STX4: variants seen among roughly 807,000 people sequenced by gnomAD.
The protein encoded by STX4 is syntaxin-4.
A neutral mutation model predicts 41.8 loss-of-function variants in STX4; 24 were observed. That is an observed-to-expected ratio of 0.57 (90% CI 0.42 to 0.81). STX4 has a LOEUF of 0.81. Among genes scored for constraint, STX4 ranks in the 30% least tolerant of loss-of-function variants. STX4 has a pLI of 0.00. For synonymous variants in STX4, 158 were observed against 156.4 expected, an observed-to-expected ratio of 1.01 and a Z score of -0.08; for missense variants, 316 against 389.9, an observed-to-expected ratio of 0.81 and a Z score of 1.60.
rs1473569822 is a variant in STX4, at chr16:31,033,801, C to A, written c.-5C>A. ...TGGCGCCGGGGAGGGAGAGCTCAGG[C>A]CGCCATGCGGGACAGGACCCACGAG... is the stretch of plus-strand genomic sequence containing the variant. On this transcript the variant is annotated 5_prime_UTR_variant, in exon 1 of 11. Coordinates refer to ENST00000313843, the MANE Select transcript of STX4 (RefSeq NM_004604.5). The surrounding 1 kb of genome is among the most constrained non-coding windows in gnomAD (Gnocchi z 5.5). 5.5e-6 allele frequency: 8 copies of A among 1,452,632 alleles called. No individual in the cohort carries two copies. The Admixed American group carries it at 1.4e-4, about 26-fold the overall frequency. 90.0% of individuals were successfully genotyped at this position (1,452,632 alleles called of 1,614,324 possible).
In STX4 at chr16:31,038,133, T is replaced by C; in HGVS notation, c.507T>C (p.Ser169=). Residue 169 remains serine, a synonymous_variant, in exon 7 of 11, where the codon TCT becomes TCC. Transcript: ENST00000313843. ...TCACAGCCAATGCTGGGATGGTGTCTGATGAGGAGTTGGAGCAGATGCTGG... is the reference window on the plus strand; with the variant it reads ...TCACAGCCAATGCTGGGATGGTGTCCGATGAGGAGTTGGAGCAGATGCTGG... The part of the protein sequence containing the change: ...QLKITNAGMV[S]DEELEQMLDS... 1.2e-6 allele frequency: 2 copies of C among 1,614,128 alleles called. No homozygotes were observed. Among genetic ancestry groups the C allele is most frequent in the Non-Finnish European group, 1.7e-6 (2 of 1,180,020 alleles).
At chr16:31,038,450 G>A (rs765169672) in intron 7 of STX4, 60 bp from the exon 8 acceptor site, 12 of 1,602,788 alleles carry the variant, frequency 7.5e-6, no homozygotes, top group Non-Finnish European at 9.4e-6. Context: ...CTCAACAGGA[G>A]TTTCTGACCT....
At chr16:31,037,343 C>T (rs2056808514) in intron 5 of STX4, among the ~76,000 whole-genome samples, 1 of 151,206 alleles carries the variant, frequency 6.6e-6, no homozygotes, top group Non-Finnish European at 1.5e-5. Flanking sequence ...GGATCACAGG[C>T]ATGAGCCACC....
At chr16:31,033,444 G>T (rs1368313496), upstream of STX4, 2 of 1,532,976 alleles carry the variant, frequency 1.3e-6, no homozygotes, top group Non-Finnish European at 1.8e-6. The surrounding 1 kb of genome is among the most constrained non-coding windows in gnomAD (Gnocchi z 5.5). Flanking sequence ...CTCGCGTCCA[G>T]GCATCTCCGC....
At position 31,038,535 on chromosome 16, in the gene STX4, G is replaced by C; in HGVS notation, c.590G>C (p.Arg197Pro). The change falls in exon 8 of 11, where the codon CGA (arginine) becomes CCA (proline). Residue 197 changes from arginine to proline, a missense_variant. Physicochemically the swap from Arg to Pro is moderately radical, Grantham distance 103 (BLOSUM62 -2). Coordinates refer to ENST00000313843, the MANE Select transcript of STX4 (RefSeq NM_004604.5). Reference sequence around the variant, plus strand: ...ATCCTGAAGGACACGCAGGTGACTCGACAGGCCTTAAATGAGATCTCGGCC... The same window carrying C: ...ATCCTGAAGGACACGCAGGTGACTCCACAGGCCTTAAATGAGATCTCGGCC... The part of the protein sequence containing the change: ...SNILKDTQVT[R>P]QALNEISARH... The C allele has an allele frequency of 6.2e-7, 1 of 1,614,022 alleles. No homozygotes were observed. The highest frequency in any genetic ancestry group is 8.5e-7 in the Non-Finnish European group (1 of 1,180,002).
Position 31,033,639 on chromosome 16 carries a change from T to G in STX4, c.-167T>G. The stretch of plus-strand genomic sequence containing the variant: ...TTGGGGGGTCCCCGGGGTCGGCGCC[T>G]TCCCATTGACTGTGGGCGGTGCAAG... On this transcript the variant is annotated 5_prime_UTR_variant, in exon 1 of 11. Coordinates refer to ENST00000313843, the MANE Select transcript of STX4 (RefSeq NM_004604.5). This position sits in a 1 kb window ranked among gnomAD's most constrained non-coding sequence, Gnocchi z 5.5. 6.8e-7 allele frequency: 1 copy of G among 1,474,320 alleles called. No individual in the cohort carries two copies. The highest frequency in any genetic ancestry group is 2.3e-4 in the Middle Eastern group (1 of 4,382). 91.3% of individuals were successfully genotyped at this position (1,474,320 alleles called of 1,614,324 possible).
chr16:31,033,536 G>C (rs1331276648), upstream of STX4: 1 of 1,549,442 alleles, frequency 6.5e-7, no homozygotes, highest in African/African-American at 1.4e-5. The surrounding 1 kb of genome is among the most constrained non-coding windows in gnomAD (Gnocchi z 5.5). Flanking sequence ...CGCATGCCCC[G>C]AATTTATCAC....
chr16:31,036,479 T>A (rs985023937), intron 5 of STX4, among the ~76,000 whole-genome samples: 2 of 152,028 alleles, frequency 1.3e-5, no homozygotes, highest in Non-Finnish European at 2.9e-5. Flanking sequence ...GGCAGCGAGG[T>A]TGGCATTCAG....
chr16:31,034,699 C>T, intron 4 of STX4, 163 bp downstream of exon 4: 1 of 798,980 alleles, frequency 1.3e-6, no homozygotes, highest in South Asian at 2.2e-5. Context: ...GTACTCTCCA[C>T]AGCACAAGTC....
chr16:31,033,883 C>T lies in STX4; in HGVS notation c.30+48C>T. 6.9e-7 allele frequency: 1 copy of T among 1,452,668 alleles called. No homozygotes were observed. The highest frequency in any genetic ancestry group is 1.5e-5 in the South Asian group (1 of 67,902). The allele number at this position is 1,452,668 out of a possible 1,614,324, so 90.0% of individuals were successfully genotyped here. A position where few individuals can be genotyped will look rare whatever the true frequency, so the allele number is the denominator to read the frequency against. ...ATGGGGACGGGCGGACGAACTGGAA[C>T]GCAGGACTTCTGGTCTTCGGGATAG... On this transcript the variant is annotated intron_variant, in intron 1 of 10. Coordinates refer to ENST00000313843, the MANE Select transcript of STX4 (RefSeq NM_004604.5). The surrounding 1 kb of genome is among the most constrained non-coding windows in gnomAD (Gnocchi z 5.5).
Position 31,039,462 on chromosome 16 carries a change from C to T in STX4, c.703-79C>T. ...TGTTAGTGCAATTTTTTTTTCCTGC[C>T]AGGAATGTTCTTCAGTCATCTGGGG... On this transcript the variant is annotated intron_variant, in intron 8 of 10. Transcript: ENST00000313843. This position sits in a 1 kb window ranked among gnomAD's most constrained non-coding sequence, Gnocchi z 4.1. The T allele has an allele frequency of 6.8e-7, 1 of 1,460,266 alleles. No homozygotes were observed. Among genetic ancestry groups the T allele is most frequent in the Non-Finnish European group, 9.4e-7 (1 of 1,064,354 alleles). The allele number at this position is 1,460,266 out of a possible 1,614,324, so 90.5% of individuals were successfully genotyped here.
rs751486627 is a variant in STX4, at chr16:31,034,084, G to T, written c.102G>T (p.Leu34=). 6.2e-7 allele frequency: 1 copy of T among 1,609,982 alleles called. No individual in the cohort carries two copies. Among genetic ancestry groups the T allele is most frequent in the South Asian group, 1.1e-5 (1 of 90,734 alleles). Residue 34 remains leucine, a synonymous_variant, in exon 2 of 11, where the codon CTG becomes CTT. Coordinates refer to ENST00000313843, the MANE Select transcript of STX4 (RefSeq NM_004604.5). ...ALVVHPGTAR[L]GSPDEEFFHK... ...TGGTGCACCCGGGCACGGCACGGCT[G>T]GGGAGCCCGGACGAGGAGTTCTTCC... is the stretch of plus-strand genomic sequence containing the variant.
upstream of STX4, chr16:31,033,305 C>A (rs983017254): frequency 1.2e-5 from 9 of 729,154 alleles, no homozygotes; most frequent in Non-Finnish European, 2.3e-5. This position sits in a 1 kb window ranked among gnomAD's most constrained non-coding sequence, Gnocchi z 5.5. Context: ...TCACGTGACG[C>A]GGTGGGGGCA....
At chr16:31,034,934 G>A (rs747105809) in intron 4 of STX4, 36 bp from the exon 5 acceptor site, 1 of 1,510,666 alleles carries the variant, frequency 6.6e-7, no homozygotes, top group Non-Finnish European at 8.9e-7. Context: ...ATCCTATGGA[G>A]ACAAGTACCC....
rs1285616920 is a variant in STX4 at position 31,039,705 on chromosome 16, C to T, written c.814-18C>T. 1.2e-6 allele frequency: 2 copies of T among 1,614,184 alleles called. No individual in the cohort carries two copies. Among genetic ancestry groups the T allele is most frequent in the East Asian group, 2.2e-5 (1 of 44,886 alleles). On this transcript the variant is annotated intron_variant, in intron 9 of 10. Transcript: ENST00000313843. The surrounding 1 kb of genome is among the most constrained non-coding windows in gnomAD (Gnocchi z 4.1). ...CAGGCACCCTGTGTGACTTCCCTGA[C>T]CCCCTCCTCTCCCACAGAAGAAAGT...
Position 31,039,729 on chromosome 16 carries a change from G to A in STX4, c.820G>A (p.Val274Ile), listed in dbSNP as rs753079913. 1.2e-6 allele frequency: 2 copies of A among 1,614,106 alleles called. No individual in the cohort carries two copies. Among genetic ancestry groups the A allele is most frequent in the African/African-American group, 2.7e-5 (2 of 74,942 alleles). The part of the protein sequence containing the change: ...ENQKKARKKK[V>I]LIAICVSITV... Reference sequence around the variant, plus strand: ...ACCCCCTCCTCTCCCACAGAAGAAAGTCTTGATTGCCATCTGTGTGTCCAT... The same window carrying A: ...ACCCCCTCCTCTCCCACAGAAGAAAATCTTGATTGCCATCTGTGTGTCCAT... The change falls in exon 10 of 11, where the codon GTC becomes ATC. Residue 274 changes from valine (V) to isoleucine (I), a missense_variant. Physicochemically the swap from Val to Ile is conservative, Grantham distance 29 (BLOSUM62 3). Coordinates refer to ENST00000313843, the MANE Select transcript of STX4 (RefSeq NM_004604.5). This position sits in a 1 kb window ranked among gnomAD's most constrained non-coding sequence, Gnocchi z 4.1.
In STX4 at chr16:31,039,917, A is replaced by G. The variant is rs1428172052; in HGVS notation, c.*21A>G. 8.1e-7 allele frequency: 1 copy of G among 1,238,196 alleles called. No homozygotes were observed. Among genetic ancestry groups the G allele is most frequent in the African/African-American group, 1.5e-5 (1 of 67,454 alleles). 76.7% of individuals were successfully genotyped at this position (1,238,196 alleles called of 1,614,324 possible). On this transcript the variant is annotated 3_prime_UTR_variant, in exon 11 of 11. Transcript: ENST00000313843. The surrounding 1 kb of genome is among the most constrained non-coding windows in gnomAD (Gnocchi z 4.1). ...TCTCCCTCCTTTCCTTACAGGCACT[A>G]GGAGCACCAGGAACCCAGGGCCTGG...
At chr16:31,035,951 A>G (rs1177639511) in intron 5 of STX4, among the ~76,000 whole-genome samples, 1 of 151,094 alleles carries the variant, frequency 6.6e-6, no homozygotes, top group Non-Finnish European at 1.5e-5. Flanking sequence ...CTAATTTTTT[A>G]TATTTTTGGT....
At position 31,037,063 on chromosome 16, in the gene STX4, C is replaced by CCG. The variant is rs138853435; in HGVS notation, c.379-862_379-861insGC. Among the ~76,000 whole-genome samples, 450 of 145,162 alleles carry CCG rather than the reference C, an allele frequency of 3.1e-3. 18 individuals carry two copies. In the Middle Eastern group the frequency reaches 0.032, roughly 10 times the overall value. ...TGGGCAATATAGTGAGACCCCCCCC[C>CCG]CTTTTTTTTTTTTCCTTTGAGACAG... On this transcript the variant is annotated intron_variant, in intron 5 of 10. Coordinates refer to ENST00000313843, the MANE Select transcript of STX4 (RefSeq NM_004604.5).
Sources: allele counts gnomAD v4.1 joint callset (sites outside exome capture counted in the v4.1 genomes callset), GRCh38; gene constraint gnomAD v4.1.1; non-coding constraint Gnocchi (gnomAD v3.1); transcripts MANE v1.5; gene names NCBI Gene and HGNC (gene_info 2026-07-23, HGNC 2026-07-21).